Variants in RAPGEF3 observed in about 807,000 individuals in gnomAD.
RAPGEF3 encodes the protein Rap guanine nucleotide exchange factor 3.
Under a neutral mutation model 129.8 loss-of-function variants are expected in RAPGEF3, and 103 were observed. The ratio of observed to expected loss-of-function variants is 0.79; its 90% CI spans 0.68 to 0.93. The LOEUF (loss-of-function observed/expected upper bound fraction) is 0.93. Ranked by LOEUF, RAPGEF3 falls within the 40% of genes least tolerant of loss-of-function variation. RAPGEF3 has a pLI of 0.00. For missense variants in RAPGEF3, 1,117 were observed against 1,207.4 expected (o/e 0.93, Z 1.11); for synonymous variants, 436 against 482.6 (o/e 0.90, Z 1.26).
Position 47,740,905 on chromosome 12 carries a change from C to T in RAPGEF3, c.2049+10G>A. 6.2e-7 allele frequency: 1 copy of T among 1,614,012 alleles called. No individual in the cohort carries two copies. The highest frequency in any genetic ancestry group is 8.5e-7 in the Non-Finnish European group (1 of 1,179,982). On this transcript the variant is annotated intron_variant, in intron 20 of 27. Transcript: ENST00000449771. ...CGCCTGCTCTCCTCCCCCAGCTCTG[C>T]CTCCCATACCTGGTGGATACTGTTG...
rs1298335722 is a variant in RAPGEF3 at position 47,750,342 on chromosome 12, G to A, written c.755C>T (p.Ser252Leu). 3 of 1,613,698 alleles carry A rather than the reference G, an allele frequency of 1.9e-6. No individual in the cohort carries two copies. Among genetic ancestry groups the A allele is most frequent in the East Asian group, 2.2e-5 (1 of 44,896 alleles). ...HIKAVAHLSN[S>L]VKRELAAVLL... The stretch of plus-strand genomic sequence containing the variant: ...AGGGCTGGGAGGGGCAGGACTGACC[G>A]AGTTGGAGAGGTGGGCCACAGCCTT... Residue 252 changes from serine (S) to leucine (L), a missense_variant and splice_region_variant, in exon 7 of 28, where the codon TCG (serine) becomes TTG (leucine). Physicochemically the swap from Ser to Leu is moderately radical, Grantham distance 145. Coordinates refer to ENST00000449771, the MANE Select transcript of RAPGEF3 (RefSeq NM_001098531.4).
chr12:47,746,761 G>A (rs755910414), intron 16 of RAPGEF3, 99 bp downstream of exon 16: 18 of 1,311,240 alleles, frequency 1.4e-5, no homozygotes, highest in Admixed American at 2.0e-5. Context: ...TGTGGGAGGA[G>A]AGCTTCCCAC....
chr12:47,741,758 T>C, intron 18 of RAPGEF3, 156 bp from the exon 19 acceptor site: 1 of 639,116 alleles, frequency 1.6e-6, no homozygotes, highest in Non-Finnish European at 2.8e-6. Context: ...CACAGGTGCA[T>C]GTGCCCACGC....
In RAPGEF3 at chr12:47,740,275, T is replaced by C. The variant is rs758766998; in HGVS notation, c.2322+30A>G. On this transcript the variant is annotated intron_variant, in intron 22 of 27. Transcript: ENST00000449771. ...TCCCAGGAGGGCCTGAGGCCTGACCTCAGGAGGGGGCCCTCCAGACCACAC... is the reference window on the plus strand; with the variant it reads ...TCCCAGGAGGGCCTGAGGCCTGACCCCAGGAGGGGGCCCTCCAGACCACAC... The C allele has an allele frequency of 7.4e-6, 12 of 1,613,068 alleles. No individual in the cohort carries two copies. The Admixed American group carries it at 1.8e-4, about 25-fold the overall frequency.
In RAPGEF3 at chr12:47,749,916, C is replaced by A. The variant is rs1941646771; in HGVS notation, c.817+14G>T. 2 of 1,614,238 alleles carry A rather than the reference C, an allele frequency of 1.2e-6. No homozygotes were observed. Among genetic ancestry groups the A allele is most frequent in the Middle Eastern group, 1.6e-4 (1 of 6,062 alleles). On this transcript the variant is annotated intron_variant, in intron 8 of 27. Transcript: ENST00000449771. The surrounding 1 kb of genome is among the most constrained non-coding windows in gnomAD (Gnocchi z 4.5). Reference sequence around the variant, plus strand: ...AGGCCCTGTGCCTGGCTTCTTATGCCCTGCTGGACTTACACACGGTCCCTG... The same window carrying A: ...AGGCCCTGTGCCTGGCTTCTTATGCACTGCTGGACTTACACACGGTCCCTG...
chr12:47,751,337 C>A, intron 5 of RAPGEF3, 62 bp downstream of exon 5: 1 of 1,606,418 alleles, frequency 6.2e-7, no homozygotes, highest in East Asian at 2.2e-5. Context: ...CAGGACTGCC[C>A]TGTCCTGTCC....
At position 47,751,429 on chromosome 12, in the gene RAPGEF3, C is replaced by G. The variant is rs2136798491; in HGVS notation, c.472G>C (p.Val158Leu). ...CAGAGGGCACCTTCATCCAGCAGCA[C>G]CTGGCAGATTCCCACAACTTGGCTC... Reference protein sequence around the residue: ...SRSQVVGICQVLLDEGALCHV... With the variant: ...SRSQVVGICQLLLDEGALCHV... The change falls in exon 5 of 28, where the codon GTG (valine) becomes CTG (leucine). Residue 158 changes from valine to leucine, a missense_variant. Around this residue, in one of 3 missense-constraint regions of RAPGEF3, gnomAD observed 367 missense variants for 373.4 expected, o/e 0.98. Coordinates refer to ENST00000449771, the MANE Select transcript of RAPGEF3 (RefSeq NM_001098531.4). The G allele has an allele frequency of 1.2e-6, 2 of 1,614,174 alleles. No homozygotes were observed. Among genetic ancestry groups the G allele is most frequent in the African/African-American group, 1.3e-5 (1 of 75,050 alleles).
rs1217313161 is a variant in RAPGEF3, at chr12:47,751,733, T to C, written c.370A>G (p.Arg124Gly). 4 of 1,612,926 alleles carry C rather than the reference T, an allele frequency of 2.5e-6. No individual in the cohort carries two copies. The highest frequency in any genetic ancestry group is 3.4e-6 in the Non-Finnish European group (4 of 1,180,000). ...NLIRDRKYHL[R>G]LYRQCCSGRE... ...AGGGCCTCCACTCACCGATAGAGCC[T>C]AAGGTGGTACTTCCGGTCTCGGATG... is the stretch of plus-strand genomic sequence containing the variant. The change falls in exon 4 of 28, where the codon AGG (arginine) becomes GGG (glycine). Residue 124 changes from arginine to glycine, a missense_variant. Arg to Gly is a moderately radical substitution (Grantham distance 125). This residue lies in a region of RAPGEF3 where 367 missense variants were observed against 373.4 expected (regional missense o/e 0.98). Coordinates refer to ENST00000449771, the MANE Select transcript of RAPGEF3 (RefSeq NM_001098531.4).
In RAPGEF3 at chr12:47,751,745, TC is replaced by T; in HGVS notation, c.357del (p.Lys120SerfsTer49). On this transcript the variant is annotated frameshift_variant, in exon 4 of 28. Transcript: ENST00000449771. LOFTEE classifies it high-confidence loss of function. ...CACCGATAGAGCCTAAGGTGGTACT[TC>T]CGGTCTCGGATGAGGTTTGGGCAGG... The part of the protein sequence containing the change: ...LATCPNLIRD[R>X]KYHLRLYRQC... The T allele has an allele frequency of 6.2e-7, 1 of 1,613,472 alleles. No individual in the cohort carries two copies. Among genetic ancestry groups the T allele is most frequent in the South Asian group, 1.1e-5 (1 of 91,084 alleles).
In RAPGEF3 at chr12:47,751,396, C is replaced by T; in HGVS notation, c.502+3G>A. The stretch of plus-strand genomic sequence containing the variant: ...GGGCACCCCACCCTGGGCTCGGGCT[C>T]ACCATGGCAGAGGGCACCTTCATCC... On this transcript the variant is annotated splice_donor_region_variant and intron_variant, in intron 5 of 27. Transcript: ENST00000449771. 3 of 1,613,942 alleles carry T rather than the reference C, an allele frequency of 1.9e-6. No homozygotes were observed. Among genetic ancestry groups the T allele is most frequent in the Non-Finnish European group, 2.5e-6 (3 of 1,179,990 alleles).
rs1592528880 is a variant in RAPGEF3, at chr12:47,737,429, C to T, written c.*138G>A. On this transcript the variant is annotated 3_prime_UTR_variant, in exon 28 of 28. Coordinates refer to ENST00000449771, the MANE Select transcript of RAPGEF3 (RefSeq NM_001098531.4). ...TCATCACAGGGGATGGCTGCCTCCA[C>T]ACTGCCTGCTCCAGGGACTCGAGTC... The T allele has an allele frequency of 1.4e-5, 10 of 713,060 alleles. No homozygotes were observed. In the East Asian group the frequency reaches 2.4e-4, roughly 17 times the overall value. The allele number at this position is 713,060 out of a possible 1,614,324, so 44.2% of individuals were successfully genotyped here. A position where few individuals can be genotyped will look rare whatever the true frequency, so the allele number is the denominator to read the frequency against.
intron 12 of RAPGEF3, 74 bp downstream of exon 12, chr12:47,748,380 G>A: frequency 7.3e-7 from 1 of 1,379,108 alleles, no homozygotes; most frequent in Non-Finnish European, 1.0e-6. Context: ...CAGATGCAGG[G>A]TACCTGGCTC....
At chr12:47,757,047 A>G (rs771919989) in intron 2 of RAPGEF3, among the ~76,000 whole-genome samples, 2 of 152,052 alleles carry the variant, frequency 1.3e-5, no homozygotes, top group African/African-American at 2.4e-5. Context: ...TAATACCAGC[A>G]CTTTGGGAGG....
intron 17 of RAPGEF3, 136 bp downstream of exon 17, chr12:47,743,851 A>T: frequency 7.5e-7 from 1 of 1,340,118 alleles, no homozygotes; most frequent in African/African-American, 1.5e-5. Flanking sequence ...GCAGCCTGGA[A>T]CACAGACCCT....
At chr12:47,756,707 ATG>A in intron 2 of RAPGEF3, among the ~76,000 whole-genome samples, 1 of 152,194 alleles carries the variant, frequency 6.6e-6, no homozygotes, top group Non-Finnish European at 1.5e-5. Context: ...GCAATGGCTC[ATG>A]CTTGTAATCC....
rs774927863 is a variant in RAPGEF3, at chr12:47,744,041, T to C, written c.1624A>G (p.Asn542Asp). The C allele has an allele frequency of 1.2e-6, 2 of 1,611,062 alleles. No individual in the cohort carries two copies. Among genetic ancestry groups the C allele is most frequent in the Non-Finnish European group, 1.7e-6 (2 of 1,177,384 alleles). Residue 542 changes from asparagine to aspartate, a missense_variant, in exon 17 of 28, where the codon AAC becomes GAC. Asn to Asp is a conservative substitution (Grantham distance 23). Transcript: ENST00000449771. ...CTGCCAGGAAGGGGCTCGTCCTGGT[T>C]GGGGAGCCAAACAGGCAAGTTCCGG... ...KARNLPVWLP[N>D]QDEPLPGSSC...
chr12:47,737,743 C>G (rs1343865889), intron 27 of RAPGEF3, 58 bp from the exon 28 acceptor site: 6 of 1,493,764 alleles, frequency 4.0e-6, no homozygotes, highest in Middle Eastern at 1.7e-4. Flanking sequence ...CCCAACCTTT[C>G]CCCTCCAAGG....
intron 2 of RAPGEF3, among the ~76,000 whole-genome samples, chr12:47,753,567 C>T (rs763209976): frequency 7.9e-5 from 12 of 152,224 alleles, no homozygotes; most frequent in Non-Finnish European, 1.5e-4. Context: ...TATCCCTGCC[C>T]GGGTCATGGG....
At chr12:47,750,507 T>G in intron 6 of RAPGEF3, 82 bp from the exon 7 acceptor site, 1 of 1,284,024 alleles carries the variant, frequency 7.8e-7, no homozygotes, top group South Asian at 1.3e-5. Context: ...ACCCAGCCGA[T>G]GCCTGTGCCA....
Sources: gnomAD v4.1 joint callset for allele counts (sites outside exome capture counted in the v4.1 genomes callset) on GRCh38, gnomAD v4.1.1 for gene constraint, gnomAD v4.1.1 regional missense constraint, Gnocchi (gnomAD v3.1) non-coding constraint, MANE v1.5 for transcripts, NCBI Gene and HGNC (gene_info 2026-07-23, HGNC 2026-07-21) for gene names.